The following CEP112 variants were observed in gnomAD, a reference collection of about 807,000 sequenced individuals.
CEP112 encodes the protein centrosomal protein 112, also known as centrosomal protein of 112 kDa.
CEP112 carries 127 observed loss-of-function variants against 153.0 expected under a neutral mutation model. The ratio of observed to expected loss-of-function variants is 0.83; its 90% CI spans 0.72 to 0.96. CEP112 has a LOEUF of 0.96. Among genes scored for constraint, CEP112 ranks in the 40% least tolerant of loss-of-function variants. CEP112 has a pLI of 0.00. For missense variants in CEP112, 1,089 were observed against 1,101.2 expected (o/e 0.99, Z 0.16); for synonymous variants, 358 against 374.4 (o/e 0.96, Z 0.51).
intron 21 of CEP112, among the ~76,000 whole-genome samples, chr17:65,787,437 C>T (rs778352938): frequency 2.6e-5 from 4 of 152,152 alleles, no homozygotes; most frequent in Admixed American, 1.3e-4. Flanking sequence ...GAGCTATAAT[C>T]GCACCAGTGC....
intron 17 of CEP112, among the ~76,000 whole-genome samples, chr17:65,970,365 T>TACATGCACACATCATGCATGTAAATC (rs2062648344): frequency 6.7e-6 from 1 of 149,322 alleles, no homozygotes; most frequent in Middle Eastern, 3.2e-3. Flanking sequence ...GTGCCTATAT[T>TACATGCACACATCATGCATGTAAATC]ACATGCACAC....
chr17:65,960,429 T>A (rs12600502), intron 18 of CEP112, among the ~76,000 whole-genome samples: 62,946 of 152,016 alleles, frequency 0.41, 14,425 homozygotes, highest in East Asian at 0.87. Flanking sequence ...ATGGGCATTA[T>A]GTATGCATAT....
At chr17:65,860,213 C>T (rs1445053185) in intron 20 of CEP112, among the ~76,000 whole-genome samples, 2 of 150,598 alleles carry the variant, frequency 1.3e-5, no homozygotes, top group Non-Finnish European at 3.0e-5. Flanking sequence ...TGACAACAAA[C>T]AAAGAATCTT....
intron 12 of CEP112, among the ~76,000 whole-genome samples, chr17:66,032,688 T>C (rs899969631): frequency 3.3e-5 from 5 of 152,132 alleles, no homozygotes; most frequent in Non-Finnish European, 7.4e-5. Context: ...GTGCACAATG[T>C]TTGGCAATTA....
chr17:65,755,979 T>A (rs772298425), intron 21 of CEP112, among the ~76,000 whole-genome samples: 2 of 152,106 alleles, frequency 1.3e-5, no homozygotes, highest in African/African-American at 4.8e-5. Flanking sequence ...TCCCAAGATA[T>A]CCAGTGTATA....
At chr17:65,828,372 T>C (rs987626518) in intron 21 of CEP112, among the ~76,000 whole-genome samples, 2 of 152,210 alleles carry the variant, frequency 1.3e-5, no homozygotes, top group Admixed American at 1.3e-4. Context: ...AAAGGAAATA[T>C]TTGTCTTCCT....
At chr17:65,668,539 A>G (rs2046813118) in intron 24 of CEP112, among the ~76,000 whole-genome samples, 1 of 152,156 alleles carries the variant, frequency 6.6e-6, no homozygotes, top group Non-Finnish European at 1.5e-5. Flanking sequence ...CATAACCGCG[A>G]GGGCAGAGAA....
chr17:65,957,192 G>A (rs1406252601), intron 18 of CEP112, among the ~76,000 whole-genome samples: 3 of 152,132 alleles, frequency 2.0e-5, no homozygotes, highest in African/African-American at 7.2e-5. Context: ...TGGGACTACT[G>A]TACTTATTGG....
At chr17:66,037,825 G>A (rs2065801298) in intron 12 of CEP112, among the ~76,000 whole-genome samples, 1 of 152,050 alleles carries the variant, frequency 6.6e-6, no homozygotes, top group Admixed American at 6.6e-5. Flanking sequence ...AACTTTACTG[G>A]TTTGTCAAAA....
chr17:65,904,572 T>A (rs918675887), intron 19 of CEP112, among the ~76,000 whole-genome samples: 5 of 152,204 alleles, frequency 3.3e-5, no homozygotes, highest in African/African-American at 1.2e-4. Flanking sequence ...AAGCTACCAT[T>A]GACTTTCTTC....
intron 23 of CEP112, among the ~76,000 whole-genome samples, chr17:65,712,192 T>C (rs959078279): frequency 4.6e-5 from 7 of 152,112 alleles, no homozygotes; most frequent in African/African-American, 1.4e-4. Flanking sequence ...GATAGGTACT[T>C]GAATGCCCAC....
At position 65,637,141 on chromosome 17, in the gene CEP112, A is replaced by G; in HGVS notation, c.2847T>C (p.Thr949=). The G allele has an allele frequency of 2.5e-6, 4 of 1,613,938 alleles. No individual in the cohort carries two copies. The highest frequency in any genetic ancestry group is 3.4e-6 in the Non-Finnish European group (4 of 1,179,798). ...GGCTGTACCTTCTGCCTTGATATGT[A>G]GTCAGTTCTTCCTGAAGGATGGAAG... ...KRASILQEEL[T]TYQGRR Residue 949 remains threonine, a synonymous_variant, in exon 26 of 27, where the codon ACT becomes ACC. Coordinates refer to ENST00000535342, the MANE Select transcript of CEP112 (RefSeq NM_001199165.4).
At chr17:65,717,049 C>T (rs1333539871) in intron 23 of CEP112, among the ~76,000 whole-genome samples, 5 of 152,300 alleles carry the variant, frequency 3.3e-5, no homozygotes, top group East Asian at 1.9e-4. Context: ...AATTCAAACC[C>T]GAAGACATTC....
intron 6 of CEP112, among the ~76,000 whole-genome samples, chr17:66,127,681 C>T (rs560947123): frequency 1.3e-5 from 2 of 152,196 alleles, no homozygotes; most frequent in East Asian, 1.9e-4. Context: ...AGTCTCCGGG[C>T]GCAGCTGCCT....
At chr17:66,090,673 C>T (rs2068098729) in intron 8 of CEP112, among the ~76,000 whole-genome samples, 1 of 151,992 alleles carries the variant, frequency 6.6e-6, no homozygotes, top group African/African-American at 2.4e-5. Context: ...AATTACAAAA[C>T]AGAAGTAGCA....
At chr17:65,819,980 T>G (rs58176400) in intron 21 of CEP112, among the ~76,000 whole-genome samples, 33,163 of 151,964 alleles carry the variant, frequency 0.22, 3,720 homozygotes, top group South Asian at 0.26. Flanking sequence ...ATTTCCTGGT[T>G]TTGGCAATTG....
At chr17:65,818,097 A>C (rs2056362058) in intron 21 of CEP112, among the ~76,000 whole-genome samples, 1 of 151,864 alleles carries the variant, frequency 6.6e-6, no homozygotes, top group African/African-American at 2.4e-5. Flanking sequence ...GCTAAACTTG[A>C]ACATGAAGTT....
intron 25 of CEP112, among the ~76,000 whole-genome samples, chr17:65,637,696 T>C (rs935636216): frequency 4.6e-5 from 7 of 152,226 alleles, no homozygotes; most frequent in African/African-American, 1.7e-4. Flanking sequence ...CTATTACTGG[T>C]ACTTCTCAAA....
At chr17:65,960,786 G>T (rs2062170506) in intron 18 of CEP112, among the ~76,000 whole-genome samples, 1 of 152,164 alleles carries the variant, frequency 6.6e-6, no homozygotes, top group Non-Finnish European at 1.5e-5. Context: ...AAAACACATG[G>T]ATACAGAGGG....
Sources: gnomAD v4.1 joint callset for allele counts (sites outside exome capture counted in the v4.1 genomes callset) on GRCh38, gnomAD v4.1.1 for gene constraint, MANE v1.5 for transcripts, NCBI Gene and HGNC (gene_info 2026-07-23, HGNC 2026-07-21) for gene names.